Variants in IPO11 observed in about 807,000 individuals in gnomAD.
The protein encoded by IPO11 is importin 11, also known as importin-11.
IPO11 carries 66 observed loss-of-function variants against 143.2 expected under a neutral mutation model. The ratio of observed to expected loss-of-function variants is 0.46; its 90% CI spans 0.38 to 0.57. IPO11 has a LOEUF of 0.57. IPO11 is among the 20% of genes least tolerant of loss of function. The pLI, the probability that IPO11 is intolerant of heterozygous loss-of-function variation, is 0.00. For synonymous variants in IPO11, 385 were observed against 377.8 expected (o/e 1.02, Z -0.22); for missense variants, 1,026 against 1,141.0 (o/e 0.90, Z 1.45).
At chr5:62,587,919 T>G (rs1744857069) in intron 27 of IPO11, among the ~76,000 whole-genome samples, 1 of 152,192 alleles carries the variant, frequency 6.6e-6, no homozygotes, top group South Asian at 2.1e-4. Context: ...GCCACTTTCA[T>G]GAGGTCTGGG....
At position 62,429,857 on chromosome 5, in the gene IPO11, T is replaced by A. The variant is rs150666087; in HGVS notation, c.-6-7417T>A. Among the ~76,000 whole-genome samples the A allele has an allele frequency of 7.3e-3, 1,103 of 151,858 alleles. 14 individuals carry two copies. The highest frequency in any genetic ancestry group is 0.025 in the African/African-American group (1,039 of 41,424). On this transcript the variant is annotated intron_variant, in intron 1 of 29. Transcript: ENST00000325324. ...CCAGGCTGGTCTCGATCTCCTGACC[T>A]TGTGATCCTCCTGCCTCAGCCTCCC... is the stretch of plus-strand genomic sequence containing the variant.
intron 16 of IPO11, among the ~76,000 whole-genome samples, chr5:62,494,794 T>C (rs930728823): frequency 6.6e-6 from 1 of 152,182 alleles, no homozygotes; most frequent in African/African-American, 2.4e-5. Context: ...TGACTTAATA[T>C]ACATGTTCGC....
intron 12 of IPO11, among the ~76,000 whole-genome samples, 186 bp from the exon 13 acceptor site, chr5:62,487,585 C>T (rs1746455047): frequency 6.7e-6 from 1 of 150,020 alleles, no homozygotes; most frequent in African/African-American, 2.5e-5. Context: ...AATTATAATT[C>T]GATTTTGTTT....
At chr5:62,475,984 G>A (rs1278417040) in intron 8 of IPO11, among the ~76,000 whole-genome samples, 1 of 152,232 alleles carries the variant, frequency 6.6e-6, no homozygotes, top group Non-Finnish European at 1.5e-5. Flanking sequence ...AGGAGCTACT[G>A]ATTGTTTTAT....
intron 29 of IPO11, among the ~76,000 whole-genome samples, chr5:62,622,867 C>A (rs2112484194): frequency 6.6e-6 from 1 of 152,288 alleles, no homozygotes; most frequent in East Asian, 1.9e-4. Context: ...CTAGACATAG[C>A]AATGTAAAAT....
Position 62,550,354 on chromosome 5 carries a change from T to A in IPO11, c.2251-13T>A. On this transcript the variant is annotated splice_polypyrimidine_tract_variant and intron_variant, in intron 24 of 29. Coordinates refer to ENST00000325324, the MANE Select transcript of IPO11 (RefSeq NM_016338.5). The stretch of plus-strand genomic sequence containing the variant: ...TTGCAGTATTATCACCAATCTTTCT[T>A]TCTGGTTTTTAGGTTGTGGAAAATG... 6.3e-7 allele frequency: 1 copy of A among 1,584,508 alleles called. No individual in the cohort carries two copies. The highest frequency in any genetic ancestry group is 2.2e-5 in the East Asian group (1 of 44,610).
chr5:62,512,433 A>G (rs770261475), intron 19 of IPO11: 876 of 1,375,452 alleles, frequency 6.4e-4, no homozygotes, highest in Middle Eastern at 7.5e-4. Flanking sequence ...TCGATACTCA[A>G]ACTCCTCGTC....
intron 1 of IPO11, among the ~76,000 whole-genome samples, chr5:62,435,247 T>A (rs1370770897): frequency 6.9e-6 from 1 of 145,690 alleles, no homozygotes; most frequent in Non-Finnish European, 1.5e-5. Flanking sequence ...TGTAGTAAAA[T>A]ATATATATTA....
chr5:62,485,571 G>A (rs1746367679), intron 12 of IPO11, 109 bp downstream of exon 12: 2 of 898,372 alleles, frequency 2.2e-6, no homozygotes, highest in Non-Finnish European at 1.7e-6. Context: ...TGGGCATGGT[G>A]GCTCACACTT....
chr5:62,545,718 T>C (rs943643090), intron 24 of IPO11, among the ~76,000 whole-genome samples: 2 of 152,172 alleles, frequency 1.3e-5, no homozygotes, highest in African/African-American at 4.8e-5. Context: ...AAAGGGCTAA[T>C]ATCCAGAATC....
At chr5:62,579,970 G>C in intron 27 of IPO11, 1 of 1,551,110 alleles carries the variant, frequency 6.4e-7, no homozygotes, top group Non-Finnish European at 8.7e-7. Context: ...TACCTTTGTT[G>C]GTATGGTTGC....
At chr5:62,447,619 T>C (rs1744764483) in intron 3 of IPO11, among the ~76,000 whole-genome samples, 1 of 151,876 alleles carries the variant, frequency 6.6e-6, no homozygotes, top group Admixed American at 6.6e-5. Context: ...AGGGTCTTGC[T>C]CTGTCACCCA....
Position 62,484,112 on chromosome 5 carries a change from T to C in IPO11, c.1124T>C (p.Leu375Pro). Residue 375 changes from leucine to proline, a missense_variant, in exon 11 of 30, where the codon CTA becomes CCA. Physicochemically the swap from Leu to Pro is moderately conservative, Grantham distance 98 (BLOSUM62 -3). This residue lies in a region of IPO11 where 429 missense variants were observed against 456.3 expected (regional missense o/e 0.94). Transcript: ENST00000325324. ...ICRRLVSHYF[L>P]LTEEELTMWE... ...AGAAGATTAGTCTCTCATTATTTCC[T>C]ATTAACTGAAGAAGAACTGACAATG... The C allele has an allele frequency of 6.2e-7, 1 of 1,609,898 alleles. No individual in the cohort carries two copies. The highest frequency in any genetic ancestry group is 8.5e-7 in the Non-Finnish European group (1 of 1,178,716).
At chr5:62,442,336 G>C (rs1338231378) in intron 2 of IPO11, among the ~76,000 whole-genome samples, 36 of 152,118 alleles carry the variant, frequency 2.4e-4, no homozygotes, top group Non-Finnish European at 1.5e-4. Flanking sequence ...GTATTCATTT[G>C]AAAAATAATT....
intron 16 of IPO11, among the ~76,000 whole-genome samples, chr5:62,500,467 T>A (rs770631994): frequency 2.0e-5 from 3 of 152,180 alleles, no homozygotes; most frequent in African/African-American, 7.2e-5. Context: ...TTATTAAGTA[T>A]TATATACTAC....
At chr5:62,513,085 C>CA (rs1741824182) in intron 19 of IPO11, among the ~76,000 whole-genome samples, 1 of 150,194 alleles carries the variant, frequency 6.7e-6, no homozygotes, top group African/African-American at 2.4e-5. Flanking sequence ...GGCCCATTCT[C>CA]AATGAGCTGT....
At chr5:62,522,350 TC>T (rs1742231072) in intron 20 of IPO11, among the ~76,000 whole-genome samples, 1 of 151,574 alleles carries the variant, frequency 6.6e-6, no homozygotes, top group Admixed American at 6.6e-5. Flanking sequence ...AGTGGTACGA[TC>T]TTGGCTCACT....
At chr5:62,564,460 C>T (rs191808841) in intron 27 of IPO11, among the ~76,000 whole-genome samples, 1 of 152,238 alleles carries the variant, frequency 6.6e-6, no homozygotes, top group African/African-American at 2.4e-5. Flanking sequence ...TTACAGCATA[C>T]CATTTCCTTT....
At chr5:62,467,392 G>A in intron 6 of IPO11, 129 bp downstream of exon 6, 2 of 938,846 alleles carry the variant, frequency 2.1e-6, no homozygotes, top group South Asian at 1.8e-5. Flanking sequence ...CTCCCTGAAA[G>A]ATAAGGGCTT....
Sources: gnomAD v4.1 joint callset for allele counts (sites outside exome capture counted in the v4.1 genomes callset) on GRCh38, gnomAD v4.1.1 for gene constraint, gnomAD v4.1.1 regional missense constraint, MANE v1.5 for transcripts, NCBI Gene and HGNC (gene_info 2026-07-23, HGNC 2026-07-21) for gene names.